The following OSBPL3 variants were observed in gnomAD, a reference collection of about 807,000 sequenced individuals.
The protein encoded by OSBPL3 is oxysterol binding protein like 3, also known as oxysterol-binding protein-related protein 3.
A neutral mutation model predicts 120.1 loss-of-function variants in OSBPL3; 65 were observed. That is an observed-to-expected ratio of 0.54 (90% confidence interval 0.44 to 0.67). OSBPL3 has a LOEUF of 0.67. Among genes scored for constraint, OSBPL3 ranks in the 30% least tolerant of loss-of-function variants. The pLI, the probability that OSBPL3 is intolerant of heterozygous loss-of-function variation, is 0.00. For synonymous variants in OSBPL3, 416 were observed against 402.6 expected (o/e 1.03, Z -0.40); for missense variants, 1,004 against 1,082.1 (o/e 0.93, Z 1.01).
Position 24,936,689 on chromosome 7 carries a change from C to T in OSBPL3, c.-150+43197G>A, listed in dbSNP as rs1812463400. The stretch of plus-strand genomic sequence containing the variant: ...CCTGCAGGCACAAATACTTTGAGGG[C>T]CTGCTGGAGAACAGGTATGTAGAAG... On this transcript the variant is annotated intron_variant, in intron 1 of 22. Transcript: ENST00000313367. The surrounding 1 kb of genome is among the most constrained non-coding windows in gnomAD (Gnocchi z 4.2). Among the ~76,000 whole-genome samples, 1 of 152,066 alleles carries T rather than the reference C, an allele frequency of 6.6e-6. No individual in the cohort carries two copies. The highest frequency in any genetic ancestry group is 2.4e-5 in the African/African-American group (1 of 41,400).
rs912034366 is a variant in OSBPL3, at chr7:24,813,734, G to T, written c.2172+1325C>A. On this transcript the variant is annotated intron_variant, in intron 19 of 22. Coordinates refer to ENST00000313367, the MANE Select transcript of OSBPL3 (RefSeq NM_015550.4). The surrounding 1 kb of genome is among the most constrained non-coding windows in gnomAD (Gnocchi z 4.5). ...ACCTCATCTCTCTGCTTATTATTTC[G>T]ATCTTTGTTAAATGCCAATATTCCT... 2.0e-5 allele frequency among the ~76,000 whole-genome samples: 3 copies of T among 152,050 alleles called. No individual in the cohort carries two copies. The highest frequency in any genetic ancestry group is 4.4e-5 in the Non-Finnish European group (3 of 68,012).
Position 24,936,525 on chromosome 7 carries a change from T to C in OSBPL3, c.-150+43361A>G, listed in dbSNP as rs1257633538. On this transcript the variant is annotated intron_variant, in intron 1 of 22. Transcript: ENST00000313367. The surrounding 1 kb of genome is among the most constrained non-coding windows in gnomAD (Gnocchi z 4.2). ...ATGGAGAAGTAAACAGCCAATTCTG[T>C]CTAGGAGTGGGAAAGCAGAATGACT... Among the ~76,000 whole-genome samples the C allele has an allele frequency of 6.6e-6, 1 of 152,132 alleles. No individual in the cohort carries two copies. The highest frequency in any genetic ancestry group is 2.4e-5 in the African/African-American group (1 of 41,422).
Position 24,971,814 on chromosome 7 carries a change from C to T in OSBPL3, c.-150+8072G>A, listed in dbSNP as rs534059610. 2.0e-5 allele frequency among the ~76,000 whole-genome samples: 3 copies of T among 152,328 alleles called. No homozygotes were observed. The South Asian group carries it at 6.2e-4, about 32-fold the overall frequency. On this transcript the variant is annotated intron_variant, in intron 1 of 22. Coordinates refer to ENST00000313367, the MANE Select transcript of OSBPL3 (RefSeq NM_015550.4). The stretch of plus-strand genomic sequence containing the variant: ...ATGGAGAGCGCCCAACAGCTACTGG[C>T]TGCCACTGTTATCACTGTTATTCAT...
In OSBPL3 at chr7:24,938,845, A is replaced by G. The variant is rs1812751351; in HGVS notation, c.-150+41041T>C. 6.9e-6 allele frequency among the ~76,000 whole-genome samples: 1 copy of G among 145,410 alleles called. No individual in the cohort carries two copies. The highest frequency in any genetic ancestry group is 7.0e-5 in the Admixed American group (1 of 14,376). On this transcript the variant is annotated intron_variant, in intron 1 of 22. Coordinates refer to ENST00000313367, the MANE Select transcript of OSBPL3 (RefSeq NM_015550.4). This position sits in a 1 kb window ranked among gnomAD's most constrained non-coding sequence, Gnocchi z 5.8. ...TGTGTGTGTGTGTGTTTTGAGAGCA[A>G]AACTAATGTGGCCAAGAAAGAAAAA...
Position 24,939,126 on chromosome 7 carries a change from C to T in OSBPL3, c.-150+40760G>A, listed in dbSNP as rs1812789974. On this transcript the variant is annotated intron_variant, in intron 1 of 22. Transcript: ENST00000313367. The surrounding 1 kb of genome is among the most constrained non-coding windows in gnomAD (Gnocchi z 4.2). ...GGTGAGGTAAGTATCCCAGGAAATGCAGTATTTAAGAGAAAGAAAGAGAAA... is the reference window on the plus strand; with the variant it reads ...GGTGAGGTAAGTATCCCAGGAAATGTAGTATTTAAGAGAAAGAAAGAGAAA... Among the ~76,000 whole-genome samples, 1 of 151,988 alleles carries T rather than the reference C, an allele frequency of 6.6e-6. No homozygotes were observed. The highest frequency in any genetic ancestry group is 2.4e-5 in the African/African-American group (1 of 41,374).
At chr7:24,943,289 G>A (rs1368070950) in intron 1 of OSBPL3, among the ~76,000 whole-genome samples, 1 of 152,014 alleles carries the variant, frequency 6.6e-6, no homozygotes, top group East Asian at 1.9e-4. Context: ...CAATACTCTA[G>A]GTCACACCAC....
chr7:24,958,717 ACATT>A (rs1163767453), intron 1 of OSBPL3, among the ~76,000 whole-genome samples: 1 of 152,196 alleles, frequency 6.6e-6, no homozygotes, highest in Non-Finnish European at 1.5e-5. Context: ...GATATTCAGC[ACATT>A]CACTCAATTA....
chr7:24,929,348 A>G (rs1811494765), intron 1 of OSBPL3, among the ~76,000 whole-genome samples: 1 of 152,200 alleles, frequency 6.6e-6, no homozygotes, highest in South Asian at 2.1e-4. Flanking sequence ...TTTGTCATTA[A>G]ATAGTTGCTA....
At chr7:24,853,804 G>A (rs190965581) in intron 10 of OSBPL3, among the ~76,000 whole-genome samples, 7 of 152,278 alleles carry the variant, frequency 4.6e-5, no homozygotes, top group East Asian at 1.9e-4. Context: ...TATTTAAAAC[G>A]AAGTATTTGG....
At chr7:24,909,971 A>G (rs994979891) in intron 1 of OSBPL3, among the ~76,000 whole-genome samples, 2 of 151,470 alleles carry the variant, frequency 1.3e-5, no homozygotes, top group African/African-American at 2.4e-5. Context: ...TGCCCGGCTA[A>G]TTTTTGTACT....
chr7:24,881,085 T>C lies in OSBPL3; in HGVS notation c.97-9016A>G, dbSNP rs937748981. Among the ~76,000 whole-genome samples the C allele has an allele frequency of 6.6e-6, 1 of 152,206 alleles. No individual in the cohort carries two copies. The highest frequency in any genetic ancestry group is 1.5e-5 in the Non-Finnish European group (1 of 68,032). ...GGACAGCACCAGCTGAGAACAGTGC[T>C]CTCTCTTACAGAGTGCTCAAAACTA... On this transcript the variant is annotated intron_variant, in intron 2 of 22. Transcript: ENST00000313367. The surrounding 1 kb of genome is among the most constrained non-coding windows in gnomAD (Gnocchi z 4.3).
upstream of OSBPL3, among the ~76,000 whole-genome samples, chr7:24,981,044 T>C (rs923571726): frequency 1.3e-5 from 2 of 152,152 alleles, no homozygotes; most frequent in African/African-American, 4.8e-5. The surrounding 1 kb of genome is among the most constrained non-coding windows in gnomAD (Gnocchi z 7.3). Flanking sequence ...ACCTAGTATA[T>C]GCCAGGAGCA....
rs1229124495 is a variant in OSBPL3 at position 24,881,024 on chromosome 7, C to T, written c.97-8955G>A. On this transcript the variant is annotated intron_variant, in intron 2 of 22. Transcript: ENST00000313367. This position sits in a 1 kb window ranked among gnomAD's most constrained non-coding sequence, Gnocchi z 4.3. ...ATACTCTTGTATGCCAACTACAGGGCATTCATGACTCTTCAAGGAGACCCA... is the reference window on the plus strand; with the variant it reads ...ATACTCTTGTATGCCAACTACAGGGTATTCATGACTCTTCAAGGAGACCCA... 6.6e-6 allele frequency among the ~76,000 whole-genome samples: 1 copy of T among 152,210 alleles called. No homozygotes were observed. The highest frequency in any genetic ancestry group is 1.5e-5 in the Non-Finnish European group (1 of 68,042).
At chr7:24,931,492 G>C (rs1811784833) in intron 1 of OSBPL3, among the ~76,000 whole-genome samples, 1 of 152,136 alleles carries the variant, frequency 6.6e-6, no homozygotes, top group Non-Finnish European at 1.5e-5. Context: ...GATGGAAACA[G>C]AGGAAGAAAA....
intron 16 of OSBPL3, among the ~76,000 whole-genome samples, chr7:24,823,942 G>C (rs1795404395): frequency 6.6e-6 from 1 of 152,218 alleles, no homozygotes; most frequent in Non-Finnish European, 1.5e-5. Context: ...TTTTGGTTGA[G>C]TCTGTATTCT....
intron 1 of OSBPL3, among the ~76,000 whole-genome samples, chr7:24,970,104 C>CTTTT (rs10540160): frequency 4.9e-3 from 407 of 82,988 alleles, no homozygotes; most frequent in Non-Finnish European, 6.5e-3. Flanking sequence ...TCGTCCCTTT[C>CTTTT]TTTTTTTTTT....
rs991374210 is a variant in OSBPL3, at chr7:24,834,244, C to A, written c.1746+242G>T. Reference sequence around the variant, plus strand: ...AAAGAGGAAGCACAAACCCACAGAACAGAACTACCCCAGGCACCAAGTGCC... The same window carrying A: ...AAAGAGGAAGCACAAACCCACAGAAAAGAACTACCCCAGGCACCAAGTGCC... On this transcript the variant is annotated intron_variant, in intron 15 of 22. Coordinates refer to ENST00000313367, the MANE Select transcript of OSBPL3 (RefSeq NM_015550.4). The surrounding 1 kb of genome is among the most constrained non-coding windows in gnomAD (Gnocchi z 5.2). 1.3e-4 allele frequency: 162 copies of A among 1,281,708 alleles called. No individual in the cohort carries two copies. Among genetic ancestry groups the A allele is most frequent in the Non-Finnish European group, 1.6e-4 (160 of 1,003,982 alleles). 79.4% of individuals were successfully genotyped at this position (1,281,708 alleles called of 1,614,324 possible).
intron 15 of OSBPL3, among the ~76,000 whole-genome samples, chr7:24,832,046 A>G (rs1034518862): frequency 6.6e-6 from 1 of 151,974 alleles, no homozygotes; most frequent in Non-Finnish European, 1.5e-5. Flanking sequence ...CTACAAAAAA[A>G]ATACAAAAGA....
At chr7:24,887,228 G>A (rs548892546) in intron 2 of OSBPL3, among the ~76,000 whole-genome samples, 3 of 152,262 alleles carry the variant, frequency 2.0e-5, no homozygotes, top group Admixed American at 6.5e-5. Flanking sequence ...GAATAATAGG[G>A]TATGATTAAG....
Sources: gnomAD v4.1 joint callset for allele counts (sites outside exome capture counted in the v4.1 genomes callset) on GRCh38, gnomAD v4.1.1 for gene constraint, Gnocchi (gnomAD v3.1) non-coding constraint, MANE v1.5 for transcripts, NCBI Gene and HGNC (gene_info 2026-07-23, HGNC 2026-07-21) for gene names.